CLDN18: variants seen among roughly 807,000 people sequenced by gnomAD.
CLDN18 encodes the protein claudin 18, also known as claudin-18.
Under a neutral mutation model 25.0 loss-of-function variants are expected in CLDN18, and 20 were observed. The observed-to-expected ratio is 0.80, with a 90% CI of 0.56 to 1.16. The LOEUF is 1.16. Ranked by LOEUF, CLDN18 falls within the 50% of genes most tolerant of loss-of-function variation. CLDN18 has a pLI of 0.00. For missense variants in CLDN18, 297 were observed against 345.4 expected (o/e 0.86, Z 1.11); for synonymous variants, 125 against 135.6 (o/e 0.92, Z 0.54).
intron 4 of CLDN18, 93 bp downstream of exon 4, chr3:138,030,000 G>A: frequency 2.6e-6 from 2 of 756,270 alleles, no homozygotes; most frequent in Non-Finnish European, 4.6e-6. Flanking sequence ...ATCAGTCTAG[G>A]TATATGGATG....
At chr3:138,030,190 C>T (rs56338919) in intron 4 of CLDN18, among the ~76,000 whole-genome samples, 19,764 of 152,168 alleles carry the variant, frequency 0.13, 1,353 homozygotes, top group African/African-American at 0.14. Flanking sequence ...GGAGCAATTT[C>T]CCCCCCAGGG....
rs1195727699 is a variant in CLDN18, at chr3:137,999,215, G to T, written c.220+127G>T. On this transcript the variant is annotated intron_variant, in intron 1 of 4. Transcript: ENST00000343735. ...GAACTGCGATTCGTGTTTGACAGGG[G>T]CAACAGCCACCTGCACCAGGGTGGA... 22 of 788,330 alleles carry T rather than the reference G, an allele frequency of 2.8e-5. No individual in the cohort carries two copies. The East Asian group carries it at 5.2e-4, about 19-fold the overall frequency. 48.8% of individuals were successfully genotyped at this position (788,330 alleles called of 1,614,324 possible). A position where few individuals can be genotyped will look rare whatever the true frequency, so the allele number is the denominator to read the frequency against.
intron 3 of CLDN18, among the ~76,000 whole-genome samples, chr3:138,028,013 G>A (rs1942345508): frequency 6.6e-6 from 1 of 151,864 alleles, no homozygotes; most frequent in Non-Finnish European, 1.5e-5. Flanking sequence ...AACTATACTT[G>A]ATCATGAAGC....
chr3:138,026,789 A>G (rs1162627372), intron 3 of CLDN18, among the ~76,000 whole-genome samples: 1 of 152,200 alleles, frequency 6.6e-6, no homozygotes, highest in African/African-American at 2.4e-5. Context: ...AAGGAAGGGA[A>G]GCCAAGCACG....
intron 1 of CLDN18, among the ~76,000 whole-genome samples, chr3:138,015,970 T>C (rs543349541): frequency 7.0e-4 from 106 of 152,340 alleles, no homozygotes; most frequent in African/African-American, 2.4e-3. Context: ...TGTATACTTG[T>C]ATATTACCAG....
At chr3:138,008,756 T>C (rs2107877405), upstream of CLDN18, among the ~76,000 whole-genome samples, 1 of 151,858 alleles carries the variant, frequency 6.6e-6, no homozygotes, top group East Asian at 1.9e-4. Context: ...TGAAACCCTG[T>C]CTCTACTAAA....
chr3:138,023,636 T>G, intron 1 of CLDN18, 22 bp from the exon 2 acceptor site: 1 of 1,609,132 alleles, frequency 6.2e-7, no homozygotes, highest in Non-Finnish European at 8.5e-7. Flanking sequence ...TGTCTGCTTG[T>G]GTCTTGCCCC....
At chr3:138,018,376 G>A (rs921376984) in intron 1 of CLDN18, among the ~76,000 whole-genome samples, 4 of 129,904 alleles carry the variant, frequency 3.1e-5, no homozygotes, top group East Asian at 2.2e-4. Context: ...TCGCTCTGTC[G>A]CCCAGGCTGG....
intron 3 of CLDN18, among the ~76,000 whole-genome samples, chr3:138,026,221 A>G (rs923641027): frequency 1.3e-5 from 2 of 152,160 alleles, no homozygotes; most frequent in African/African-American, 4.8e-5. Flanking sequence ...GCCGTGTTGT[A>G]TGTAACAGTG....
chr3:138,030,993 C>T lies in CLDN18; in HGVS notation c.638C>T (p.Ala213Val). ...ETNYKAVSYH[A>V]SGHSVAYKPG... ...AGCTACAAAGCCGTTTCTTATCATG[C>T]CTCAGGCCACAGTGTTGCCTACAAG... The change falls in exon 5 of 5, where the codon GCC becomes GTC. Residue 213 changes from alanine (A) to valine (V), a missense_variant. Coordinates refer to ENST00000183605, the MANE Select transcript of CLDN18 (RefSeq NM_016369.4). The T allele has an allele frequency of 6.2e-7, 1 of 1,613,268 alleles. No homozygotes were observed. The highest frequency in any genetic ancestry group is 8.5e-7 in the Non-Finnish European group (1 of 1,179,662).
exon 1 of CLDN18, chr3:137,998,939 C>G (rs764953549): frequency 6.2e-7 from 1 of 1,614,124 alleles, no homozygotes; most frequent in South Asian, 1.1e-5. Context: ...ATCATTGCTG[C>G]CACCTGCATG....
chr3:138,019,834 G>A (rs921449472), intron 1 of CLDN18, among the ~76,000 whole-genome samples: 4 of 152,156 alleles, frequency 2.6e-5, no homozygotes, highest in African/African-American at 9.7e-5. Context: ...AGGGAACACT[G>A]AGTTCCTATT....
chr3:138,013,557 C>T (rs1368672431), intron 1 of CLDN18, among the ~76,000 whole-genome samples: 1 of 152,250 alleles, frequency 6.6e-6, no homozygotes, highest in Non-Finnish European at 1.5e-5. Context: ...GAAAGGAACA[C>T]ATGTCACTCA....
At chr3:138,022,455 G>T (rs1000271949) in intron 1 of CLDN18, among the ~76,000 whole-genome samples, 1 of 152,214 alleles carries the variant, frequency 6.6e-6, no homozygotes, top group Non-Finnish European at 1.5e-5. Context: ...TGACATGCCT[G>T]TGACACTCAA....
chr3:138,016,491 G>A (rs1394064053), intron 1 of CLDN18, among the ~76,000 whole-genome samples: 1 of 152,122 alleles, frequency 6.6e-6, no homozygotes, highest in East Asian at 1.9e-4. Context: ...ACAGTAGAAG[G>A]GATGAGCAAA....
chr3:138,032,235 C>G lies in CLDN18; in HGVS notation c.*1094C>G, dbSNP rs1307467090. On this transcript the variant is annotated 3_prime_UTR_variant, in exon 5 of 5. Coordinates refer to ENST00000183605, the MANE Select transcript of CLDN18 (RefSeq NM_016369.4). ...AGAAGTTCGAGACTAGCCTGGGCAA[C>G]ATGGAGAAGCCCTGTCTCTACAAAA... 1 of 151,958 alleles carries G rather than the reference C, an allele frequency of 6.6e-6. No individual in the cohort carries two copies. Among genetic ancestry groups the G allele is most frequent in the Non-Finnish European group, 1.5e-5 (1 of 68,026 alleles). 9.4% of individuals were successfully genotyped at this position (151,958 alleles called of 1,614,324 possible).
intron 1 of CLDN18, among the ~76,000 whole-genome samples, chr3:138,014,027 A>G (rs562155247): frequency 6.6e-6 from 1 of 152,000 alleles, no homozygotes; most frequent in Non-Finnish European, 1.5e-5. Flanking sequence ...TTCAAAAAGT[A>G]AGGAGGAAGA....
intron 1 of CLDN18, among the ~76,000 whole-genome samples, chr3:138,012,994 T>C (rs896380855): frequency 7.2e-5 from 11 of 152,236 alleles, no homozygotes; most frequent in African/African-American, 2.7e-4. Context: ...TCAGCTTCTA[T>C]GTGGTGTTTC....
At chr3:138,019,149 TCTATGCAAGAGATATCTTTGA>T (rs2107884008) in intron 1 of CLDN18, among the ~76,000 whole-genome samples, 1 of 152,328 alleles carries the variant, frequency 6.6e-6, no homozygotes, top group South Asian at 2.1e-4. Flanking sequence ...TCCTCACAGA[TCTATGCAAGAGATATCTTTGA>T]CTACCTCCAG....
Sources: allele counts gnomAD v4.1 joint callset (sites outside exome capture counted in the v4.1 genomes callset), GRCh38; gene constraint gnomAD v4.1.1; transcripts MANE v1.5; gene names NCBI Gene and HGNC (gene_info 2026-07-23, HGNC 2026-07-21).